The following RIN3 variants were observed in gnomAD, a reference collection of about 807,000 sequenced individuals.
RIN3 encodes Ras and Rab interactor 3.
A neutral mutation model predicts 76.3 loss-of-function variants in RIN3; 54 were observed. The ratio of observed to expected loss-of-function variants is 0.71; its 90% CI spans 0.57 to 0.89. The LOEUF is 0.89. Among genes scored for constraint, RIN3 ranks in the 40% least tolerant of loss-of-function variants. The probability of loss-of-function intolerance (pLI) is 0.00; values close to 1 mark genes in which losing one functional copy is unlikely to be tolerated. For synonymous variants in RIN3, 576 were observed against 564.0 expected (o/e 1.02, Z -0.30); for missense variants, 1,256 against 1,322.1 (o/e 0.95, Z 0.78).
intron 2 of RIN3, among the ~76,000 whole-genome samples, chr14:92,566,641 A>G (rs8007976): frequency 0.13 from 19,166 of 152,178 alleles, 1,310 homozygotes; most frequent in East Asian, 0.18. Flanking sequence ...CTCAGTAAGT[A>G]TCATAGGCAG....
At position 92,530,243 on chromosome 14, in the gene RIN3, G is replaced by T. The variant is rs553735131; in HGVS notation, c.44+16267G>T. On this transcript the variant is annotated intron_variant, in intron 1 of 9. Transcript: ENST00000216487. ...TTTCCTGAAAATGCACAAATCCTTGGGATATGCACTATCCCTCCAGTCTTG... is the reference window on the plus strand; with the variant it reads ...TTTCCTGAAAATGCACAAATCCTTGTGATATGCACTATCCCTCCAGTCTTG... Among the ~76,000 whole-genome samples, 16 of 152,248 alleles carry T rather than the reference G, an allele frequency of 1.1e-4. No individual in the cohort carries two copies. The East Asian group carries it at 2.9e-3, about 28-fold the overall frequency.
chr14:92,666,508 G>A (rs763866324), intron 7 of RIN3, among the ~76,000 whole-genome samples: 11 of 152,118 alleles, frequency 7.2e-5, no homozygotes, highest in South Asian at 2.1e-4. Flanking sequence ...CCCTGGGTTC[G>A]GCAAATTGGG....
At chr14:92,565,574 A>G (rs1199918558) in intron 2 of RIN3, among the ~76,000 whole-genome samples, 1 of 152,200 alleles carries the variant, frequency 6.6e-6, no homozygotes, top group Admixed American at 6.5e-5. Flanking sequence ...AGGGGTAGGC[A>G]TTTCCTGGAG....
intron 3 of RIN3, among the ~76,000 whole-genome samples, chr14:92,597,327 T>C (rs556773441): frequency 2.0e-5 from 3 of 152,342 alleles, no homozygotes; most frequent in African/African-American, 7.2e-5. Flanking sequence ...TAGCTGATCA[T>C]GGGATGACCT....
At chr14:92,631,843 T>A in intron 4 of RIN3, among the ~76,000 whole-genome samples, 1 of 152,060 alleles carries the variant, frequency 6.6e-6, no homozygotes, top group Non-Finnish European at 1.5e-5. Flanking sequence ...ACCTCAAATG[T>A]TCTGCCCACC....
At position 92,676,556 on chromosome 14, in the gene RIN3, A is replaced by G. The variant is rs1888469740; in HGVS notation, c.2417A>G (p.Asn806Ser). 8.7e-6 allele frequency: 14 copies of G among 1,613,988 alleles called. No individual in the cohort carries two copies. The highest frequency in any genetic ancestry group is 9.3e-6 in the Non-Finnish European group (11 of 1,180,012). ...ARSNLTEMLLNVEYMMELMDP... is the reference protein window; with the variant it reads ...ARSNLTEMLLSVEYMMELMDP... The stretch of plus-strand genomic sequence containing the variant: ...AGCAACCTCACGGAGATGCTTCTCA[A>G]TGTGGAGTACATGATGGAGCTCATG... Residue 806 changes from asparagine to serine, a missense_variant, in exon 8 of 10, where the codon AAT (asparagine) becomes AGT (serine). By Grantham distance (46) the Asn-to-Ser change is conservative (BLOSUM62 1). Coordinates refer to ENST00000216487, the MANE Select transcript of RIN3 (RefSeq NM_024832.5).
At chr14:92,556,804 T>A (rs1466622881) in intron 2 of RIN3, among the ~76,000 whole-genome samples, 1 of 152,210 alleles carries the variant, frequency 6.6e-6, no homozygotes, top group Non-Finnish European at 1.5e-5. Context: ...TGGACAGACA[T>A]GTAAAAAGTA....
chr14:92,576,778 A>G (rs911783916), intron 2 of RIN3, among the ~76,000 whole-genome samples: 1 of 152,222 alleles, frequency 6.6e-6, no homozygotes, highest in Non-Finnish European at 1.5e-5. Flanking sequence ...AAGTTACTCT[A>G]TGTGGAGTGT....
At chr14:92,559,563 T>C (rs1897704548) in intron 2 of RIN3, among the ~76,000 whole-genome samples, 1 of 152,202 alleles carries the variant, frequency 6.6e-6, no homozygotes, top group African/African-American at 2.4e-5. Context: ...CATGCACCAA[T>C]ATGAACCGTA....
intron 1 of RIN3, among the ~76,000 whole-genome samples, chr14:92,544,414 T>TGGGGGGGGGGGGGGGGGGGGGGGGG (rs71123353): frequency 9.4e-5 from 7 of 74,556 alleles, no homozygotes; most frequent in Admixed American, 1.9e-4. Flanking sequence ...GTGACAGCTG[T>TGGGGGGGGGGGGGGGGGGGGGGGGG]GGGGGGGGGG....
At chr14:92,527,284 C>T (rs559897470) in intron 1 of RIN3, among the ~76,000 whole-genome samples, 59 of 152,082 alleles carry the variant, frequency 3.9e-4, no homozygotes, top group African/African-American at 1.4e-3. Context: ...GATCTCCTGA[C>T]CTCATGATCC....
rs11375700 is a variant in RIN3 at position 92,670,062 on chromosome 14, A to ATT, written c.2336-6399_2336-6398dup. ...AGATGCATGCCACCAGACCCAGCTGATTTTTTTTTTTTTTTAAGTAGAGAC... is the reference window on the plus strand; with the variant it reads ...AGATGCATGCCACCAGACCCAGCTGATTTTTTTTTTTTTTTTTAAGTAGAGAC... On this transcript the variant is annotated intron_variant, in intron 7 of 9. Coordinates refer to ENST00000216487, the MANE Select transcript of RIN3 (RefSeq NM_024832.5). Among the ~76,000 whole-genome samples, 166 of 144,270 alleles carry ATT rather than the reference A, an allele frequency of 1.2e-3. 3 individuals are homozygous for ATT. The highest frequency in any genetic ancestry group is 3.7e-3 in the Middle Eastern group (1 of 270). 94.6% of individuals were successfully genotyped at this position (144,270 alleles called of 152,430 possible).
intron 7 of RIN3, among the ~76,000 whole-genome samples, chr14:92,672,223 T>C (rs1052136740): frequency 1.3e-5 from 2 of 151,760 alleles, no homozygotes; most frequent in Admixed American, 6.6e-5. Flanking sequence ...CTGTCCGACA[T>C]GGCAAAATCC....
chr14:92,553,026 TAAAAAA>T (rs55684274), intron 1 of RIN3, among the ~76,000 whole-genome samples: 11 of 123,202 alleles, frequency 8.9e-5, no homozygotes, highest in Admixed American at 1.7e-4. Flanking sequence ...GTTCTGCAGG[TAAAAAA>T]AAAAAAAAAA....
At chr14:92,532,276 G>A (rs750823437) in intron 1 of RIN3, among the ~76,000 whole-genome samples, 1 of 152,122 alleles carries the variant, frequency 6.6e-6, no homozygotes. Context: ...ACTTGCTTAA[G>A]GTCACACAGC....
intron 4 of RIN3, among the ~76,000 whole-genome samples, chr14:92,627,476 A>G (rs1886396836): frequency 6.6e-6 from 1 of 152,214 alleles, no homozygotes; most frequent in African/African-American, 2.4e-5. Flanking sequence ...GCCTATCACC[A>G]TTCACACAAG....
chr14:92,653,708 A>G (rs1165513506), intron 6 of RIN3, among the ~76,000 whole-genome samples: 1 of 152,186 alleles, frequency 6.6e-6, no homozygotes, highest in Non-Finnish European at 1.5e-5. Flanking sequence ...GTGAACAACC[A>G]CACGCCTACG....
At chr14:92,579,000 T>C (rs989931225) in intron 3 of RIN3, among the ~76,000 whole-genome samples, 1 of 152,042 alleles carries the variant, frequency 6.6e-6, no homozygotes, top group Non-Finnish European at 1.5e-5. Flanking sequence ...TGATCTTGGC[T>C]CACTGCAACC....
chr14:92,536,649 G>C (rs1897006419), intron 1 of RIN3, among the ~76,000 whole-genome samples: 1 of 151,398 alleles, frequency 6.6e-6, no homozygotes, highest in Non-Finnish European at 1.5e-5. Context: ...GGCTGAAGCA[G>C]GAGAATCACT....
Sources: allele counts gnomAD v4.1 joint callset (sites outside exome capture counted in the v4.1 genomes callset), GRCh38; gene constraint gnomAD v4.1.1; transcripts MANE v1.5; gene names NCBI Gene and HGNC (gene_info 2026-07-23, HGNC 2026-07-21).